IRF4: variants seen among roughly 807,000 people sequenced by gnomAD.
IRF4 encodes the protein lymphocyte-specific interferon regulatory factor.
Under a neutral mutation model 55.5 loss-of-function variants are expected in IRF4, and 13 were observed. That is an observed-to-expected ratio of 0.23 (90% CI 0.15 to 0.37). The LOEUF is 0.37. IRF4 is among the 10% of genes least tolerant of loss of function. The pLI is 1.00. For synonymous variants in IRF4, 249 were observed against 240.7 expected (o/e 1.03, Z -0.32); for missense variants, 397 against 593.8 (o/e 0.67, Z 3.44).
Position 393,254 on chromosome 6 carries a change from C to A in IRF4, c.102C>A (p.Ser34Arg). ...AGTGGCTGATCGACCAGATCGACAG[C>A]GGCAAGTACCCCGGGCTGGTGTGGG... Reference protein sequence around the residue: ...LRQWLIDQIDSGKYPGLVWEN... With the variant: ...LRQWLIDQIDRGKYPGLVWEN... The change falls in exon 2 of 9, where the codon AGC (serine) becomes AGA (arginine). Residue 34 changes from serine (S) to arginine (R), a missense_variant. By Grantham distance (110) the Ser-to-Arg change is moderately radical. Transcript: ENST00000380956. This position sits in a 1 kb window ranked among gnomAD's most constrained non-coding sequence, Gnocchi z 5.4. 1 of 1,590,152 alleles carries A rather than the reference C, an allele frequency of 6.3e-7. No individual in the cohort carries two copies. Among genetic ancestry groups the A allele is most frequent in the Non-Finnish European group, 8.6e-7 (1 of 1,168,392 alleles).
chr6:401,949 T>C (rs1761413718), intron 7 of IRF4, 172 bp downstream of exon 7: 1 of 615,146 alleles, frequency 1.6e-6, no homozygotes, highest in Non-Finnish European at 2.9e-6. Flanking sequence ...GGCTCTGTTG[T>C]GGGCAGAGAG....
At chr6:392,003 A>G in intron 1 of IRF4, 194 bp downstream of exon 1, 1 of 369,680 alleles carries the variant, frequency 2.7e-6, no homozygotes, top group Non-Finnish European at 5.5e-6. Flanking sequence ...TTGGGCTCCA[A>G]GGCCCGCCTC....
chr6:393,142 G>C lies in IRF4; in HGVS notation c.-11G>C, dbSNP rs996809271. On this transcript the variant is annotated 5_prime_UTR_variant, in exon 2 of 9. Transcript: ENST00000380956. The surrounding 1 kb of genome is among the most constrained non-coding windows in gnomAD (Gnocchi z 5.4). Reference sequence around the variant, plus strand: ...AGGACCCCGGGCGCGGGCGCGGACGGCACGCGGGGCATGAACCTGGAGGGC... The same window carrying C: ...AGGACCCCGGGCGCGGGCGCGGACGCCACGCGGGGCATGAACCTGGAGGGC... 1.3e-5 allele frequency: 20 copies of C among 1,547,218 alleles called. No homozygotes were observed. In the African/African-American group the frequency reaches 2.6e-4, roughly 20 times the overall value.
rs1338987441 is a variant in IRF4 at position 410,823 on chromosome 6, C to T, written c.*3225C>T. 1 of 232,378 alleles carries T rather than the reference C, an allele frequency of 4.3e-6. No homozygotes were observed. Among genetic ancestry groups the T allele is most frequent in the Non-Finnish European group, 8.5e-6 (1 of 117,482 alleles). The allele number at this position is 232,378 out of a possible 1,614,324, so 14.4% of individuals were successfully genotyped here. A position where few individuals can be genotyped will look rare whatever the true frequency, so the allele number is the denominator to read the frequency against. ...AGGTCTTTATTTGTATTACGTATCT[C>T]CCCAAGTCCTCTGTGGCCAGCTGCA... On this transcript the variant is annotated 3_prime_UTR_variant, in exon 9 of 9. Transcript: ENST00000380956.
rs1581224729 is a variant in IRF4 at position 397,385 on chromosome 6, G to A, written c.637+133G>A. On this transcript the variant is annotated intron_variant, in intron 5 of 8. Transcript: ENST00000380956. The stretch of plus-strand genomic sequence containing the variant: ...TTAGAGGCTGCGTGTGCAGCTCGGG[G>A]AGAGGGGGGTTTTCTCACTCCTGTG... 6 of 1,067,694 alleles carry A rather than the reference G, an allele frequency of 5.6e-6. No individual in the cohort carries two copies. In the East Asian group the frequency reaches 1.5e-4, roughly 27 times the overall value. 66.1% of individuals were successfully genotyped at this position (1,067,694 alleles called of 1,614,324 possible).
Position 409,802 on chromosome 6 carries a change from G to A in IRF4, c.*2204G>A. On this transcript the variant is annotated 3_prime_UTR_variant, in exon 9 of 9. Coordinates refer to ENST00000380956, the MANE Select transcript of IRF4 (RefSeq NM_002460.4). ...CACAGCACTTCAAAGAAGCTGTCTT[G>A]GAAGTCTGTCTCAGGAGCACCCTGT... 4.5e-6 allele frequency: 1 copy of A among 222,622 alleles called. No homozygotes were observed. Among genetic ancestry groups the A allele is most frequent in the East Asian group, 6.2e-5 (1 of 16,018 alleles). The allele number at this position is 222,622 out of a possible 1,614,324, so 13.8% of individuals were successfully genotyped here. A position where few individuals can be genotyped will look rare whatever the true frequency, so the allele number is the denominator to read the frequency against.
intron 5 of IRF4, 121 bp downstream of exon 5, chr6:397,373 G>C: frequency 8.3e-7 from 1 of 1,202,644 alleles, no homozygotes; most frequent in South Asian, 1.5e-5. Context: ...GAGGCTGCGT[G>C]TGCAGCTCGG....
chr6:394,688 G>C (rs1389412529), intron 2 of IRF4, 133 bp from the exon 3 acceptor site: 8 of 822,130 alleles, frequency 9.7e-6, no homozygotes, highest in Non-Finnish European at 1.3e-5. Flanking sequence ...TCAGGAGTTC[G>C]ATGCTGCGGT....
intron 7 of IRF4, among the ~76,000 whole-genome samples, chr6:403,794 C>T (rs1238992283): frequency 6.6e-6 from 1 of 152,174 alleles, no homozygotes; most frequent in Non-Finnish European, 1.5e-5. Context: ...TTAAGGATTC[C>T]CACCAAACAC....
Position 401,731 on chromosome 6 carries a change from G to GA in IRF4, c.1054dup (p.Arg352LysfsTer9). On this transcript the variant is annotated frameshift_variant, in exon 7 of 9. Transcript: ENST00000380956. LOFTEE classifies it high-confidence loss of function. ...GCAACGACCGGCCCAACAAACTGGAGAGAGACCAGACCTGCAAGCTCTTTG... is the reference window on the plus strand; with the variant it reads ...GCAACGACCGGCCCAACAAACTGGAGAAGAGACCAGACCTGCAAGCTCTTTG... 1 of 1,614,246 alleles carries GA rather than the reference G, an allele frequency of 6.2e-7. No homozygotes were observed. The highest frequency in any genetic ancestry group is 8.5e-7 in the Non-Finnish European group (1 of 1,180,050).
intron 1 of IRF4, 143 bp from the exon 2 acceptor site, chr6:392,955 G>A: frequency 2.0e-6 from 1 of 507,102 alleles, no homozygotes; most frequent in East Asian, 3.5e-5. Flanking sequence ...CTTCTTCCGG[G>A]GGCCCGGACG....
chr6:408,168 T>G lies in IRF4; in HGVS notation c.*570T>G. 1 of 234,288 alleles carries G rather than the reference T, an allele frequency of 4.3e-6. No individual in the cohort carries two copies. Among genetic ancestry groups the G allele is most frequent in the Non-Finnish European group, 8.4e-6 (1 of 118,514 alleles). 14.5% of individuals were successfully genotyped at this position (234,288 alleles called of 1,614,324 possible). On this transcript the variant is annotated 3_prime_UTR_variant, in exon 9 of 9. Transcript: ENST00000380956. ...GACACTGACTAGAGTGATGACTGCTTGTAGGTATGTCTGTGCCATTTCTCA... is the reference window on the plus strand; with the variant it reads ...GACACTGACTAGAGTGATGACTGCTGGTAGGTATGTCTGTGCCATTTCTCA...
intron 8 of IRF4, among the ~76,000 whole-genome samples, chr6:405,978 C>T (rs1351391460): frequency 6.6e-6 from 1 of 152,180 alleles, no homozygotes; most frequent in Non-Finnish European, 1.5e-5. Flanking sequence ...TCAAAGTTCT[C>T]ATCATGTTCT....
At chr6:397,280 G>C (rs1173437622) in intron 5 of IRF4, 28 bp downstream of exon 5, 6 of 1,613,216 alleles carry the variant, frequency 3.7e-6, no homozygotes, top group South Asian at 3.3e-5. Context: ...GCAGGAAATA[G>C]AAGAGCTAAT....
At chr6:392,314 C>T (rs1169016439) in intron 1 of IRF4, among the ~76,000 whole-genome samples, 1 of 152,248 alleles carries the variant, frequency 6.6e-6, no homozygotes, top group Non-Finnish European at 1.5e-5. Flanking sequence ...TGGGTCGCTC[C>T]GAGCCTTGCG....
In IRF4 at chr6:400,791, T is replaced by TAC. The variant is rs5873749; in HGVS notation, c.746-609_746-608dup. 3.5e-3 allele frequency among the ~76,000 whole-genome samples: 520 copies of TAC among 150,268 alleles called. 3 individuals carry two copies. The highest frequency in any genetic ancestry group is 0.011 in the African/African-American group (467 of 41,034). On this transcript the variant is annotated intron_variant, in intron 6 of 8. Transcript: ENST00000380956. ...TAATTCTATATATAATTTATATATG[T>TAC]ACACACACACACACACACACACACA...
chr6:392,070 A>C (rs545519773), intron 1 of IRF4, among the ~76,000 whole-genome samples: 4 of 152,066 alleles, frequency 2.6e-5, no homozygotes, highest in African/African-American at 9.6e-5. Context: ...CGGGGTCGCC[A>C]CAAGCTGGAC....
intron 1 of IRF4, among the ~76,000 whole-genome samples, chr6:392,256 C>T (rs1398841079): frequency 6.6e-6 from 1 of 152,254 alleles, no homozygotes; most frequent in Non-Finnish European, 1.5e-5. Flanking sequence ...CGGCGGCCTC[C>T]GGCGCGGTGC....
rs1331840964 is a variant in IRF4, at chr6:410,904, T to C, written c.*3306T>C. The C allele has an allele frequency of 4.3e-6, 1 of 232,682 alleles. No individual in the cohort carries two copies. Among genetic ancestry groups the C allele is most frequent in the Non-Finnish European group, 8.5e-6 (1 of 117,636 alleles). 14.4% of individuals were successfully genotyped at this position (232,682 alleles called of 1,614,324 possible). On this transcript the variant is annotated 3_prime_UTR_variant, in exon 9 of 9. Transcript: ENST00000380956. ...ACCTTACACACCATTTTGTAAGTTA[T>C]GTTTTACATGCCCCGTTTTTGAGAC...
Sources: allele counts gnomAD v4.1 joint callset (sites outside exome capture counted in the v4.1 genomes callset), GRCh38; gene constraint gnomAD v4.1.1; non-coding constraint Gnocchi (gnomAD v3.1); transcripts MANE v1.5; gene names NCBI Gene and HGNC (gene_info 2026-07-23, HGNC 2026-07-21).